The following GAS2 variants were observed in gnomAD, a reference collection of about 807,000 sequenced individuals.
GAS2 encodes growth arrest-specific protein 2.
Under a neutral mutation model 37.5 loss-of-function variants are expected in GAS2, and 20 were observed. That is an observed-to-expected ratio of 0.53 (90% confidence interval 0.37 to 0.77). GAS2 has a LOEUF of 0.77. GAS2 is among the 30% of genes least tolerant of loss of function. The probability of loss-of-function intolerance (pLI) is 0.00; values close to 1 mark genes in which losing one functional copy is unlikely to be tolerated. For missense variants in GAS2, 336 were observed against 373.4 expected (o/e 0.90, Z 0.82); for synonymous variants, 144 against 132.2 (o/e 1.09, Z -0.61).
Position 22,707,583 on chromosome 11 carries a change from G to A in GAS2, c.268-18709G>A, listed in dbSNP as rs1024120575. Among the ~76,000 whole-genome samples, 5 of 152,122 alleles carry A rather than the reference G, an allele frequency of 3.3e-5. No individual in the cohort carries two copies. The East Asian group carries it at 7.7e-4, about 23-fold the overall frequency. On this transcript the variant is annotated intron_variant, in intron 3 of 7. Coordinates refer to ENST00000454584, the MANE Select transcript of GAS2 (RefSeq NM_001143830.3). ...CAGGAAACAGTTTGTCTAAGTGCTC[G>A]GGGAAGTTTGCATGTCAGCAGTGGA...
At chr11:22,634,359 G>C (rs1858790829) in intron 1 of GAS2, among the ~76,000 whole-genome samples, 1 of 152,030 alleles carries the variant, frequency 6.6e-6, no homozygotes, top group South Asian at 2.1e-4. Flanking sequence ...ATTTGGGTGG[G>C]GACACAACCA....
chr11:22,721,083 G>A (rs1002702201), intron 3 of GAS2, among the ~76,000 whole-genome samples: 15 of 151,994 alleles, frequency 9.9e-5, no homozygotes, highest in Non-Finnish European at 2.1e-4. Context: ...TGGAAAATGA[G>A]TCTTCTTTTA....
rs1192862614 is a variant in GAS2, at chr11:22,715,460, C to CAAAAAA, written c.268-10814_268-10809dup. On this transcript the variant is annotated intron_variant, in intron 3 of 7. Transcript: ENST00000454584. ...TGGGTGACAGAGCAAGACTCTGTCT[C>CAAAAAA]AAAAAAAAAAAAAAAAAAAAAAAGA... Among the ~76,000 whole-genome samples the CAAAAAA allele has an allele frequency of 9.7e-3, 394 of 40,708 alleles. 1 individual carries two copies. Among genetic ancestry groups the CAAAAAA allele is most frequent in the Middle Eastern group, 0.05 (2 of 40 alleles). The allele number at this position is 40,708 out of a possible 152,430, so 26.7% of individuals were successfully genotyped here. A position where few individuals can be genotyped will look rare whatever the true frequency, so the allele number is the denominator to read the frequency against.
At chr11:22,803,774 A>G (rs897545134) in intron 7 of GAS2, among the ~76,000 whole-genome samples, 2 of 152,158 alleles carry the variant, frequency 1.3e-5, no homozygotes, top group Non-Finnish European at 2.9e-5. Flanking sequence ...TGAAGACTAC[A>G]TCATCCCTCT....
At chr11:22,690,878 C>T (rs977858397) in intron 3 of GAS2, among the ~76,000 whole-genome samples, 2 of 152,134 alleles carry the variant, frequency 1.3e-5, no homozygotes, top group Middle Eastern at 3.2e-3. Flanking sequence ...CTCTTTCCCC[C>T]ACCCCCACCA....
intron 1 of GAS2, among the ~76,000 whole-genome samples, chr11:22,627,117 T>G (rs1262837053): frequency 6.6e-6 from 1 of 152,178 alleles, no homozygotes; most frequent in Non-Finnish European, 1.5e-5. Context: ...ATTAGTTATC[T>G]CAAACTCTTA....
At chr11:22,701,349 C>G (rs1290396203) in intron 3 of GAS2, among the ~76,000 whole-genome samples, 1 of 151,934 alleles carries the variant, frequency 6.6e-6, no homozygotes, top group Non-Finnish European at 1.5e-5. Flanking sequence ...ATGTTAGCAA[C>G]AAGAGATGAT....
intron 7 of GAS2, among the ~76,000 whole-genome samples, chr11:22,809,691 A>G (rs1210805848): frequency 6.9e-6 from 1 of 145,430 alleles, no homozygotes; most frequent in Non-Finnish European, 1.5e-5. Flanking sequence ...ATGGGGTTTC[A>G]CCATATTGGT....
chr11:22,730,441 G>A (rs1020485814), intron 4 of GAS2, among the ~76,000 whole-genome samples: 8 of 151,720 alleles, frequency 5.3e-5, no homozygotes, highest in African/African-American at 1.9e-4. Context: ...AGAATTCTAT[G>A]TTGTATCATA....
At chr11:22,632,960 C>T (rs1347334584) in intron 1 of GAS2, among the ~76,000 whole-genome samples, 11 of 151,512 alleles carry the variant, frequency 7.3e-5, no homozygotes, top group Non-Finnish European at 1.3e-4. Context: ...CATTCATAAC[C>T]TGATTTTCTT....
At position 22,683,765 on chromosome 11, in the gene GAS2, C is replaced by T. The variant is rs529345545; in HGVS notation, c.146-1903C>T. On this transcript the variant is annotated intron_variant, in intron 2 of 7. Transcript: ENST00000454584. ...GCTTATTTCTTCATTTGTTCATTCA[C>T]ATGCTCACTGAGCACATTTACTAGG... 7.7e-4 allele frequency among the ~76,000 whole-genome samples: 117 copies of T among 151,840 alleles called. 1 individual carries two copies. The highest frequency in any genetic ancestry group is 2.7e-3 in the African/African-American group (110 of 41,380).
At chr11:22,782,109 A>G (rs1478209970) in intron 7 of GAS2, among the ~76,000 whole-genome samples, 1 of 152,162 alleles carries the variant, frequency 6.6e-6, no homozygotes, top group East Asian at 1.9e-4. Context: ...CAAATATTGG[A>G]AGGAATTGTA....
In GAS2 at chr11:22,744,172, A is replaced by C. The variant is rs556242000; in HGVS notation, c.474-4948A>C. ...AAAGCCTACCACCACCACCAACAAC[A>C]AAAAAGCCCTGGGCCAGATGAGTTC... On this transcript the variant is annotated intron_variant, in intron 5 of 7. Coordinates refer to ENST00000454584, the MANE Select transcript of GAS2 (RefSeq NM_001143830.3). 6.5e-4 allele frequency among the ~76,000 whole-genome samples: 99 copies of C among 152,178 alleles called. 1 individual carries two copies. Among genetic ancestry groups the C allele is most frequent in the African/African-American group, 2.1e-3 (88 of 41,548 alleles).
At chr11:22,708,759 C>G (rs1851254419) in intron 3 of GAS2, among the ~76,000 whole-genome samples, 1 of 152,126 alleles carries the variant, frequency 6.6e-6, no homozygotes, top group South Asian at 2.1e-4. Context: ...CTCATAAAGC[C>G]TACAGCCTAA....
intron 3 of GAS2, among the ~76,000 whole-genome samples, chr11:22,717,222 G>A (rs147022157): frequency 1.1e-4 from 17 of 152,124 alleles, no homozygotes; most frequent in African/African-American, 3.6e-4. Context: ...CAAATCCGAT[G>A]GCATCACATT....
At chr11:22,699,929 T>TA (rs1293122333) in intron 3 of GAS2, among the ~76,000 whole-genome samples, 1 of 152,252 alleles carries the variant, frequency 6.6e-6, no homozygotes, top group African/African-American at 2.4e-5. Flanking sequence ...TCAGTCTGAA[T>TA]AAAATGAAAG....
intron 3 of GAS2, among the ~76,000 whole-genome samples, chr11:22,725,668 C>T (rs1852167893): frequency 6.6e-6 from 1 of 152,122 alleles, no homozygotes; most frequent in South Asian, 2.1e-4. Flanking sequence ...CTCCAATCCT[C>T]CTGCCTCGGC....
At chr11:22,791,826 T>C (rs7926714) in intron 7 of GAS2, among the ~76,000 whole-genome samples, 58,600 of 152,042 alleles carry the variant, frequency 0.39, 11,431 homozygotes, top group Non-Finnish European at 0.4. Context: ...GTTCTGTATA[T>C]GAGGCCCTTC....
rs1564893747 is a variant in GAS2, at chr11:22,797,931, CCTAAAGAAAAGA to C, written c.724-13866_724-13855del. The stretch of plus-strand genomic sequence containing the variant: ...ACTTCATAAAATGGCAATATGTATC[CCTAAAGAAAAGA>C]GGTGTTGCCTGTGGAAAGACCTTTA... On this transcript the variant is annotated intron_variant, in intron 7 of 7. Coordinates refer to ENST00000454584, the MANE Select transcript of GAS2 (RefSeq NM_001143830.3). 2.0e-5 allele frequency among the ~76,000 whole-genome samples: 3 copies of C among 151,870 alleles called. No individual in the cohort carries two copies. In the South Asian group the frequency reaches 6.2e-4, roughly 32 times the overall value.
Sources: allele counts gnomAD v4.1 joint callset (sites outside exome capture counted in the v4.1 genomes callset), GRCh38; gene constraint gnomAD v4.1.1; transcripts MANE v1.5; gene names NCBI Gene and HGNC (gene_info 2026-07-23, HGNC 2026-07-21).